TCF4: variants seen among roughly 807,000 people sequenced by gnomAD.
TCF4 encodes the protein transcription factor 4.
Under a neutral mutation model 82.1 loss-of-function variants are expected in TCF4, and 3 were observed. That is an observed-to-expected ratio of 0.04 (90% CI 0.02 to 0.09). The LOEUF is 0.09. TCF4 is among the 10% of genes least tolerant of loss of function. TCF4 has a pLI of 1.00. For synonymous variants in TCF4, 276 were observed against 309.6 expected, an observed-to-expected ratio of 0.89 and a Z score of 1.14; for missense variants, 518 against 852.7, an observed-to-expected ratio of 0.61 and a Z score of 4.89.
chr18:55,462,523 G>A (rs2095888148), intron 4 of TCF4, among the ~76,000 whole-genome samples: 1 of 152,096 alleles, frequency 6.6e-6, no homozygotes, highest in African/African-American at 2.4e-5. Flanking sequence ...CACAAAATTG[G>A]TTTGAAATTA....
chr18:55,501,264 G>A (rs908612423), intron 3 of TCF4, among the ~76,000 whole-genome samples: 16 of 151,832 alleles, frequency 1.1e-4, no homozygotes, highest in African/African-American at 3.6e-4. Context: ...GCAGTTTCCA[G>A]TGCCTTAATT....
chr18:55,244,845 A>AC (rs2052541074), intron 15 of TCF4, among the ~76,000 whole-genome samples: 1 of 152,218 alleles, frequency 6.6e-6, no homozygotes, highest in Non-Finnish European at 1.5e-5. Flanking sequence ...TCCAAAAGAG[A>AC]CCCGTCCGTG....
At chr18:55,261,795 C>T (rs1201422552) in intron 11 of TCF4, among the ~76,000 whole-genome samples, 1 of 152,174 alleles carries the variant, frequency 6.6e-6, no homozygotes, top group Non-Finnish European at 1.5e-5. Flanking sequence ...TGTTGATGAG[C>T]TGGTGAATGT....
upstream of TCF4, chr18:55,589,716 A>C: frequency 9.7e-7 from 1 of 1,027,482 alleles, no homozygotes. Flanking sequence ...CATCATCACC[A>C]TGGACTCCCC....
chr18:55,224,078 A>T lies in TCF4; in HGVS notation c.*3957T>A, dbSNP rs1395516760. The T allele has an allele frequency of 6.6e-6, 1 of 150,706 alleles. No homozygotes were observed. Among genetic ancestry groups the T allele is most frequent in the Non-Finnish European group, 1.5e-5 (1 of 67,712 alleles). 9.3% of individuals were successfully genotyped at this position (150,706 alleles called of 1,614,324 possible). Reference sequence around the variant, plus strand: ...TTTTTTTTTTTTCCTACTAGGGTGTACTACAGTCTATTTTATAGCAAAAGA... The same window carrying T: ...TTTTTTTTTTTTCCTACTAGGGTGTTCTACAGTCTATTTTATAGCAAAAGA... On this transcript the variant is annotated 3_prime_UTR_variant, in exon 20 of 20. Coordinates refer to ENST00000354452, the MANE Select transcript of TCF4 (RefSeq NM_001083962.2).
At chr18:55,406,001 T>C (rs1347255513) in intron 5 of TCF4, among the ~76,000 whole-genome samples, 3 of 152,048 alleles carry the variant, frequency 2.0e-5, no homozygotes, top group Non-Finnish European at 4.4e-5. Flanking sequence ...GAGACCAGCA[T>C]AGACATGAAT....
Position 55,571,384 on chromosome 18 carries a change from T to C in TCF4, c.145+13896A>G, listed in dbSNP as rs548596230. ...GGGATACATATGCCAGTCACAATACTACTTTAAAAAGGGCATGAGAATGTT... is the reference window on the plus strand; with the variant it reads ...GGGATACATATGCCAGTCACAATACCACTTTAAAAAGGGCATGAGAATGTT... On this transcript the variant is annotated intron_variant, in intron 3 of 19. Transcript: ENST00000354452. 3.9e-5 allele frequency among the ~76,000 whole-genome samples: 6 copies of C among 152,266 alleles called. No individual in the cohort carries two copies. The South Asian group carries it at 8.3e-4, about 21-fold the overall frequency.
intron 5 of TCF4, among the ~76,000 whole-genome samples, chr18:55,446,984 C>CA (rs35946795): frequency 0.41 from 33,905 of 83,594 alleles, 5,210 homozygotes; most frequent in Middle Eastern, 0.58. Context: ...GACTCTGTCT[C>CA]AAAAAAAAAA....
chr18:55,363,571 AG>A (rs753901259), intron 6 of TCF4, among the ~76,000 whole-genome samples: 3 of 152,168 alleles, frequency 2.0e-5, no homozygotes, highest in Non-Finnish European at 2.9e-5. Context: ...TGGGAGGCCG[AG>A]GCAGGTGGAT....
intron 5 of TCF4, among the ~76,000 whole-genome samples, chr18:55,434,763 CGTGT>C (rs527450659): frequency 3.0e-4 from 39 of 131,720 alleles, no homozygotes; most frequent in Non-Finnish European, 4.0e-4. Flanking sequence ...CTCAAGTATT[CGTGT>C]GTGTGTGTGT....
intron 5 of TCF4, among the ~76,000 whole-genome samples, chr18:55,412,354 T>G (rs1490178272): frequency 6.6e-6 from 1 of 151,964 alleles, no homozygotes; most frequent in Non-Finnish European, 1.5e-5. Flanking sequence ...AGGCTGTTTT[T>G]TTTTTTTTTA....
intron 3 of TCF4, among the ~76,000 whole-genome samples, chr18:55,468,790 T>C (rs1480830620): frequency 2.0e-5 from 3 of 151,410 alleles, no homozygotes; most frequent in East Asian, 3.9e-4. Context: ...CTAAACAATA[T>C]ACAGGAAATA....
chr18:55,436,728 G>A lies in TCF4; in HGVS notation c.304+24291C>T, dbSNP rs184974575. On this transcript the variant is annotated intron_variant, in intron 5 of 19. Coordinates refer to ENST00000354452, the MANE Select transcript of TCF4 (RefSeq NM_001083962.2). Reference sequence around the variant, plus strand: ...CCAGAATGTGAACAAAACATTACCTGTATGTGAAAAACCCACACAGACAAA... The same window carrying A: ...CCAGAATGTGAACAAAACATTACCTATATGTGAAAAACCCACACAGACAAA... 7.1e-4 allele frequency among the ~76,000 whole-genome samples: 108 copies of A among 152,268 alleles called. 1 individual carries two copies. The East Asian group carries it at 0.011, about 15-fold the overall frequency.
At chr18:55,575,563 C>T (rs915534230) in intron 3 of TCF4, among the ~76,000 whole-genome samples, 1 of 151,974 alleles carries the variant, frequency 6.6e-6, no homozygotes, top group African/African-American at 2.4e-5. Context: ...CTAGAATATC[C>T]TCTTTGTCAT....
At position 55,281,448 on chromosome 18, in the gene TCF4, C is replaced by A. The variant is rs550374845; in HGVS notation, c.550-1792G>T. On this transcript the variant is annotated intron_variant, in intron 8 of 19. Transcript: ENST00000354452. The stretch of plus-strand genomic sequence containing the variant: ...CTATAATATATCTACACGCTATTAG[C>A]CTGACAGCAATCTGGCCTCAGTATT... Among the ~76,000 whole-genome samples, 206 of 152,200 alleles carry A rather than the reference C, an allele frequency of 1.4e-3. 1 individual carries two copies. Among genetic ancestry groups the A allele is most frequent in the African/African-American group, 4.7e-3 (195 of 41,550 alleles).
Position 55,234,659 on chromosome 18 carries a change from C to G in TCF4, c.1375G>C (p.Val459Leu). Reference sequence around the variant, plus strand: ...AGAGAATGGCTGCCTCTCAGGGCCACGCCATCTTCACGATGGGTCCCCACC... The same window carrying G: ...AGAGAATGGCTGCCTCTCAGGGCCAGGCCATCTTCACGATGGGTCCCCACC... The part of the protein sequence containing the change: ...LMVGTHREDG[V>L]ALRGSHSLLP... Residue 459 changes from valine to leucine, a missense_variant, in exon 16 of 20, where the codon GTG becomes CTG. Around this residue, in one of 7 missense-constraint regions of TCF4, gnomAD observed 144 missense variants for 190.2 expected, o/e 0.76. Transcript: ENST00000354452. The G allele has an allele frequency of 6.2e-7, 1 of 1,614,106 alleles. No homozygotes were observed. The highest frequency in any genetic ancestry group is 8.5e-7 in the Non-Finnish European group (1 of 1,180,020).
chr18:55,393,609 G>A (rs964121796), intron 6 of TCF4, among the ~76,000 whole-genome samples: 35 of 152,286 alleles, frequency 2.3e-4, no homozygotes, highest in African/African-American at 8.2e-4. Context: ...AAAGCTGCAT[G>A]TTAGGGTCCT....
intron 6 of TCF4, among the ~76,000 whole-genome samples, chr18:55,362,844 G>A (rs1271188267): frequency 6.6e-6 from 1 of 152,086 alleles, no homozygotes; most frequent in Non-Finnish European, 1.5e-5. Flanking sequence ...TTCAGCATAC[G>A]ACACTGACTT....
chr18:55,621,823 A>G (rs1484002730), intron 2 of TCF4, among the ~76,000 whole-genome samples: 1 of 73,680 alleles, frequency 1.4e-5, no homozygotes, highest in African/African-American at 4.5e-5. Context: ...ATTATATTAT[A>G]TAATATATAT....
Sources: gnomAD v4.1 joint callset for allele counts (sites outside exome capture counted in the v4.1 genomes callset) on GRCh38, gnomAD v4.1.1 for gene constraint, gnomAD v4.1.1 regional missense constraint, MANE v1.5 for transcripts, NCBI Gene and HGNC (gene_info 2026-07-23, HGNC 2026-07-21) for gene names.